Variants in INPP5F observed in about 807,000 individuals in gnomAD.
INPP5F encodes inositol polyphosphate-5-phosphatase F.
Under a neutral mutation model 137.2 loss-of-function variants are expected in INPP5F, and 97 were observed. That is an observed-to-expected ratio of 0.71 (90% CI 0.60 to 0.84). INPP5F has a LOEUF of 0.84. Among genes scored for constraint, INPP5F ranks in the 40% least tolerant of loss-of-function variants. The pLI is 0.00. For synonymous variants in INPP5F, 504 were observed against 476.9 expected (o/e 1.06, Z -0.74); for missense variants, 1,271 against 1,371.9 (o/e 0.93, Z 1.16).
At chr10:119,761,517 A>G (rs1041117301) in intron 2 of INPP5F, among the ~76,000 whole-genome samples, 2 of 151,934 alleles carry the variant, frequency 1.3e-5, no homozygotes, top group African/African-American at 4.8e-5. Flanking sequence ...GTTCCCTGAA[A>G]TATAATCAGG....
At chr10:119,740,180 A>C (rs1288378034) in intron 1 of INPP5F, among the ~76,000 whole-genome samples, 1 of 152,184 alleles carries the variant, frequency 6.6e-6, no homozygotes, top group Non-Finnish European at 1.5e-5. Flanking sequence ...GGAGTTTACC[A>C]GTATCCATGT....
chr10:119,757,309 C>T (rs948575234), intron 2 of INPP5F, among the ~76,000 whole-genome samples: 7 of 151,508 alleles, frequency 4.6e-5, no homozygotes, highest in Non-Finnish European at 8.8e-5. Flanking sequence ...CTCAGGTGAT[C>T]GGCCTGCCTC....
At chr10:119,742,737 A>T (rs892599140) in intron 1 of INPP5F, among the ~76,000 whole-genome samples, 2 of 152,174 alleles carry the variant, frequency 1.3e-5, no homozygotes, top group Non-Finnish European at 2.9e-5. Context: ...TCACGCCTGT[A>T]ATCCCAGCAC....
rs547410879 is a variant in INPP5F at position 119,748,160 on chromosome 10, G to A, written c.98-2916G>A. 6.6e-5 allele frequency among the ~76,000 whole-genome samples: 10 copies of A among 152,360 alleles called. No individual in the cohort carries two copies. Among genetic ancestry groups the A allele is most frequent in the Admixed American group, 2.0e-4 (3 of 15,306 alleles). ...GTCCAGACACTATGCACAGCCAGGT[G>A]TGCCAGCCGTGGCAGGGCAGGCAGC... On this transcript the variant is annotated intron_variant, in intron 1 of 19. Coordinates refer to ENST00000650623, the MANE Select transcript of INPP5F (RefSeq NM_014937.4). The surrounding 1 kb of genome is among the most constrained non-coding windows in gnomAD (Gnocchi z 4.7).
rs535360527 is a variant in INPP5F at position 119,787,016 on chromosome 10, C to A, written c.316-4501C>A. Among the ~76,000 whole-genome samples the A allele has an allele frequency of 3.7e-4, 56 of 152,166 alleles. No homozygotes were observed. The highest frequency in any genetic ancestry group is 6.8e-3 in the Middle Eastern group (2 of 294). On this transcript the variant is annotated intron_variant, in intron 3 of 19. Coordinates refer to ENST00000650623, the MANE Select transcript of INPP5F (RefSeq NM_014937.4). This position sits in a 1 kb window ranked among gnomAD's most constrained non-coding sequence, Gnocchi z 4.1. Reference sequence around the variant, plus strand: ...GGTTATTCCCTGTATTTTCTACCCTCTAAAGTGGTTCTGGAGCATTACCCC... The same window carrying A: ...GGTTATTCCCTGTATTTTCTACCCTATAAAGTGGTTCTGGAGCATTACCCC...
chr10:119,730,242 T>C (rs1848017568), intron 1 of INPP5F, among the ~76,000 whole-genome samples: 1 of 152,128 alleles, frequency 6.6e-6, no homozygotes, highest in Non-Finnish European at 1.5e-5. Flanking sequence ...CCTGAGTAGC[T>C]GGGATTATAG....
chr10:119,750,036 T>C (rs1349178152), intron 1 of INPP5F, among the ~76,000 whole-genome samples: 2 of 152,188 alleles, frequency 1.3e-5, no homozygotes, highest in Non-Finnish European at 2.9e-5. Flanking sequence ...CCCAAAGTGC[T>C]GGGATTACAG....
chr10:119,781,621 C>G lies in INPP5F; in HGVS notation c.179-14C>G, dbSNP rs756263107. ...CTAAAAACGCCAGACTTTATTATGA[C>G]TCTCCTCTTTCAGATCTTCCATGGT... On this transcript the variant is annotated splice_polypyrimidine_tract_variant and intron_variant, in intron 2 of 19. Transcript: ENST00000650623. 1.3e-6 allele frequency: 2 copies of G among 1,597,262 alleles called. No individual in the cohort carries two copies. The highest frequency in any genetic ancestry group is 1.7e-6 in the Non-Finnish European group (2 of 1,169,566).
intron 15 of INPP5F, 89 bp downstream of exon 15, chr10:119,812,044 G>A (rs1851058076): frequency 2.9e-6 from 3 of 1,050,348 alleles, no homozygotes; most frequent in African/African-American, 1.6e-5. Flanking sequence ...CCCTAAAGCT[G>A]TGGGCATGGA....
At chr10:119,781,065 A>G (rs779482979) in intron 2 of INPP5F, among the ~76,000 whole-genome samples, 2 of 152,216 alleles carry the variant, frequency 1.3e-5, no homozygotes, top group African/African-American at 4.8e-5. Flanking sequence ...TTACAGCTGC[A>G]TAGTACTCCA....
Position 119,742,152 on chromosome 10 carries a change from C to CTTAT in INPP5F, c.98-8909_98-8906dup, listed in dbSNP as rs59040706. Among the ~76,000 whole-genome samples, 115 of 150,206 alleles carry CTTAT rather than the reference C, an allele frequency of 7.7e-4. 2 individuals carry two copies. Among genetic ancestry groups the CTTAT allele is most frequent in the African/African-American group, 2.2e-3 (90 of 40,770 alleles). On this transcript the variant is annotated intron_variant, in intron 1 of 19. Coordinates refer to ENST00000650623, the MANE Select transcript of INPP5F (RefSeq NM_014937.4). ...CGACAGCTTTTTATTTGTTATTTTA[C>CTTAT]TTATTTATTTATTTATTTTTTGAGA...
At chr10:119,796,067 G>A (rs539932591) in intron 6 of INPP5F, among the ~76,000 whole-genome samples, 1 of 149,214 alleles carries the variant, frequency 6.7e-6, no homozygotes, top group Admixed American at 6.7e-5. Flanking sequence ...GGGAGACCGT[G>A]GGGAGAGGGA....
chr10:119,787,790 G>T lies in INPP5F; in HGVS notation c.316-3727G>T, dbSNP rs906556749. Among the ~76,000 whole-genome samples the T allele has an allele frequency of 6.6e-6, 1 of 152,056 alleles. No homozygotes were observed. Among genetic ancestry groups the T allele is most frequent in the Non-Finnish European group, 1.5e-5 (1 of 68,002 alleles). ...GCAGACAGTAGCAGGTGGGAATTTG[G>T]CCCCTACACAGTAAAGAGGACTAAC... On this transcript the variant is annotated intron_variant, in intron 3 of 19. Transcript: ENST00000650623. This position sits in a 1 kb window ranked among gnomAD's most constrained non-coding sequence, Gnocchi z 4.1.
rs1564826023 is a variant in INPP5F, at chr10:119,781,765, G to GC, written c.310dup (p.Leu104ProfsTer5). On this transcript the variant is annotated frameshift_variant, in exon 3 of 20. Transcript: ENST00000650623. LOFTEE classifies it high-confidence loss of function. ...CTGAAATGGAACCTCAGGATCTTGA[G>GC]CTAGAGGTAGGTGAAATAAAGGGAA... is the stretch of plus-strand genomic sequence containing the variant. 2 of 1,597,232 alleles carry GC rather than the reference G, an allele frequency of 1.3e-6. No homozygotes were observed. Among genetic ancestry groups the GC allele is most frequent in the Non-Finnish European group, 1.7e-6 (2 of 1,168,372 alleles).
In INPP5F at chr10:119,819,714, T is replaced by C. The variant is rs117995151; in HGVS notation, c.1887-1132T>C. On this transcript the variant is annotated intron_variant, in intron 15 of 19. Coordinates refer to ENST00000650623, the MANE Select transcript of INPP5F (RefSeq NM_014937.4). The stretch of plus-strand genomic sequence containing the variant: ...TGGCATCTCATTATGTCATTTGCTG[T>C]ATTTTTTGATATATTATTGTACGTG... 3,656 of 425,228 alleles carry C rather than the reference T, an allele frequency of 8.6e-3. 21 individuals carry two copies. The highest frequency in any genetic ancestry group is 0.012 in the Non-Finnish European group (2,807 of 238,910). The allele number at this position is 425,228 out of a possible 1,614,324, so 26.3% of individuals were successfully genotyped here. A position where few individuals can be genotyped will look rare whatever the true frequency, so the allele number is the denominator to read the frequency against.
chr10:119,810,292 AT>A, intron 14 of INPP5F, 75 bp downstream of exon 14: 2 of 748,962 alleles, frequency 2.7e-6, no homozygotes, highest in South Asian at 3.3e-5. Context: ...AACCAGCTTC[AT>A]TAACATAATT....
intron 18 of INPP5F, 67 bp from the exon 19 acceptor site, chr10:119,823,748 G>C (rs1851653266): frequency 8.1e-7 from 1 of 1,236,928 alleles, no homozygotes; most frequent in Non-Finnish European, 1.2e-6. Context: ...CGCTAAATGG[G>C]TTAGAACTGC....
intron 2 of INPP5F, among the ~76,000 whole-genome samples, chr10:119,772,042 T>C (rs1451409664): frequency 6.7e-6 from 1 of 150,152 alleles, no homozygotes; most frequent in African/African-American, 2.5e-5. Context: ...GGACTACGGG[T>C]GCCCGCCACC....
At chr10:119,774,261 C>CAAAA (rs572329987) in intron 2 of INPP5F, among the ~76,000 whole-genome samples, 18 of 82,110 alleles carry the variant, frequency 2.2e-4, no homozygotes, top group African/African-American at 7.2e-4. Flanking sequence ...ACTCAGTCTC[C>CAAAA]AAAAAAAAAA....
Sources: gnomAD v4.1 joint callset for allele counts (sites outside exome capture counted in the v4.1 genomes callset) on GRCh38, gnomAD v4.1.1 for gene constraint, Gnocchi (gnomAD v3.1) non-coding constraint, MANE v1.5 for transcripts, NCBI Gene and HGNC (gene_info 2026-07-23, HGNC 2026-07-21) for gene names.